Variants in COL4A1 observed in about 807,000 individuals in gnomAD.
COL4A1 encodes collagen alpha-1(IV) chain.
COL4A1 carries 40 observed loss-of-function variants against 216.6 expected under a neutral mutation model. The observed-to-expected ratio is 0.18, with a 90% confidence interval of 0.14 to 0.24. The LOEUF is 0.24. Among genes scored for constraint, COL4A1 ranks in the 10% least tolerant of loss-of-function variants. The probability of loss-of-function intolerance (pLI) is 1.00; values close to 1 mark genes in which losing one functional copy is unlikely to be tolerated. For missense variants in COL4A1, 1,628 were observed against 2,196.8 expected (o/e 0.74, Z 5.18); for synonymous variants, 839 against 810.7 (o/e 1.03, Z -0.59).
intron 1 of COL4A1, among the ~76,000 whole-genome samples, chr13:110,296,479 A>G (rs1052625165): frequency 2.8e-4 from 42 of 152,240 alleles, no homozygotes; most frequent in African/African-American, 9.9e-4. Context: ...CACGAAATCA[A>G]TAGTAAAAGC....
At chr13:110,306,031 T>G (rs544947094) in intron 1 of COL4A1, 1 of 152,074 alleles carries the variant, frequency 6.6e-6, no homozygotes, top group Non-Finnish European at 1.5e-5. Context: ...TGGGACTGCA[T>G]GGCTGTGACA....
intron 2 of COL4A1, among the ~76,000 whole-genome samples, chr13:110,234,772 T>A (rs949207595): frequency 6.6e-6 from 1 of 152,112 alleles, no homozygotes; most frequent in Non-Finnish European, 1.5e-5. Context: ...TGGAACCTCT[T>A]CCCGTTTCCA....
intron 1 of COL4A1, among the ~76,000 whole-genome samples, chr13:110,253,213 T>C (rs893494134): frequency 3.5e-5 from 5 of 142,886 alleles, no homozygotes; most frequent in African/African-American, 1.0e-4. Context: ...ACTATATGTA[T>C]GTATGTATTA....
intron 28 of COL4A1, 99 bp from the exon 29 acceptor site, chr13:110,181,488 G>A (rs752649996): frequency 6.5e-5 from 79 of 1,222,822 alleles, no homozygotes; most frequent in Middle Eastern, 2.2e-4. Flanking sequence ...CAGAGATGCC[G>A]ACCTGATCTG....
In COL4A1 at chr13:110,178,122, C is replaced by A; in HGVS notation, c.2568G>T (p.Gln856His). The A allele has an allele frequency of 1.2e-6, 2 of 1,614,214 alleles. No homozygotes were observed. The highest frequency in any genetic ancestry group is 1.7e-6 in the Non-Finnish European group (2 of 1,180,032). ...GTCCAGGAAGGCCAGGGAGCCCCGA[C>A]TGTCCCGTTATGCCAGGGAGTCCTT... ...GAQGLPGITG[Q>H]SGLPGLPGQQ... The change falls in exon 32 of 52, where the codon CAG becomes CAT. Residue 856 changes from glutamine to histidine, a missense_variant. Gln to His is a conservative substitution (Grantham distance 24). This residue lies in a region of COL4A1 where 701 missense variants were observed against 892.5 expected (regional missense o/e 0.79). Coordinates refer to ENST00000375820, the MANE Select transcript of COL4A1 (RefSeq NM_001845.6).
At chr13:110,201,583 A>T (rs1464130015) in intron 18 of COL4A1, 61 bp from the exon 19 acceptor site, 69 of 1,345,680 alleles carry the variant, frequency 5.1e-5, no homozygotes, top group Non-Finnish European at 7.3e-5. Context: ...CCTGTATAGT[A>T]AAGCAGTATG....
chr13:110,170,117 G>GGAAGGAAGGAAGGAAGGAAGGAAA (rs1877557282), intron 42 of COL4A1, among the ~76,000 whole-genome samples: 1 of 24,808 alleles, frequency 4.0e-5, no homozygotes. Flanking sequence ...GAGGAAAGAA[G>GGAAGGAAGGAAGGAAGGAAGGAAA]GAAGGAAGGA....
At chr13:110,236,801 C>T (rs1417153530) in intron 2 of COL4A1, among the ~76,000 whole-genome samples, 1 of 152,220 alleles carries the variant, frequency 6.6e-6, no homozygotes, top group Admixed American at 6.5e-5. Context: ...AAAATGCCTT[C>T]CCCTTAGAGA....
chr13:110,206,620 G>T, intron 15 of COL4A1, 45 bp downstream of exon 15: 1 of 1,600,364 alleles, frequency 6.2e-7, no homozygotes, highest in Non-Finnish European at 8.6e-7. Flanking sequence ...TTTCCGCATG[G>T]AAGGAGAATT....
chr13:110,149,631 A>T lies in COL4A1; in HGVS notation c.*732T>A, dbSNP rs530176460. ...AAGGACAGCACAGTCTTTCAAAGGA[A>T]GAAAACTATGTAAGCTTTATTTTAA... On this transcript the variant is annotated 3_prime_UTR_variant, in exon 52 of 52. Transcript: ENST00000375820. The T allele has an allele frequency of 6.5e-6, 1 of 152,730 alleles. No homozygotes were observed. The highest frequency in any genetic ancestry group is 2.1e-4 in the South Asian group (1 of 4,832). 9.5% of individuals were successfully genotyped at this position (152,730 alleles called of 1,614,324 possible). A position where few individuals can be genotyped will look rare whatever the true frequency, so the allele number is the denominator to read the frequency against.
chr13:110,171,507 AC>A (rs1877642176), intron 41 of COL4A1, among the ~76,000 whole-genome samples: 1 of 152,244 alleles, frequency 6.6e-6, no homozygotes, highest in South Asian at 2.1e-4. Flanking sequence ...TTAAAAAGTA[AC>A]AGCTTGTAGG....
chr13:110,205,263 A>G (rs1236978267), intron 17 of COL4A1, 90 bp downstream of exon 17: 3 of 1,493,486 alleles, frequency 2.0e-6, no homozygotes, highest in Non-Finnish European at 2.8e-6. Flanking sequence ...TCCCTTGAGT[A>G]CAGAGTCCTT....
At chr13:110,240,815 G>A (rs1881532330) in intron 2 of COL4A1, among the ~76,000 whole-genome samples, 1 of 152,162 alleles carries the variant, frequency 6.6e-6, no homozygotes. Flanking sequence ...TTTGATGAGT[G>A]GATTTTTGGG....
In COL4A1 at chr13:110,211,846, T is replaced by C. The variant is rs750237105; in HGVS notation, c.441+23A>G. 1 of 1,613,644 alleles carries C rather than the reference T, an allele frequency of 6.2e-7. No homozygotes were observed. The highest frequency in any genetic ancestry group is 1.1e-5 in the South Asian group (1 of 91,058). On this transcript the variant is annotated intron_variant, in intron 7 of 51. Coordinates refer to ENST00000375820, the MANE Select transcript of COL4A1 (RefSeq NM_001845.6). This position sits in a 1 kb window ranked among gnomAD's most constrained non-coding sequence, Gnocchi z 4.3. ...AGTCATAACTAAAAGAAAGAAGTTC[T>C]GCCCTAAATAACCTCTACTCACGGG...
chr13:110,176,430 A>G lies in COL4A1; in HGVS notation c.3052T>C (p.Leu1018=), dbSNP rs749958690. 4 of 1,611,566 alleles carry G rather than the reference A, an allele frequency of 2.5e-6. No individual in the cohort carries two copies. Among genetic ancestry groups the G allele is most frequent in the African/African-American group, 2.7e-5 (2 of 74,896 alleles). The change falls in exon 36 of 52, where the codon TTG becomes CTG. Residue 1018 remains leucine, a synonymous_variant. Coordinates refer to ENST00000375820, the MANE Select transcript of COL4A1 (RefSeq NM_001845.6). ...GPKGSVGGMG[L]PGTPGEKGVP... ...TCTTCTAAATCCAGTTTACCTGGCA[A>G]GCCCATTCCACCAACAGATCCTTTT...
In COL4A1 at chr13:110,155,319, C is replaced by T; in HGVS notation, c.4719G>A (p.Gly1573=). Residue 1573 remains glycine (G), a synonymous_variant, in exon 50 of 52, where the codon GGG becomes GGA. Coordinates refer to ENST00000375820, the MANE Select transcript of COL4A1 (RefSeq NM_001845.6). ...QTIQIPPCPS[G]WSSLWIGYSF... is the part of the protein sequence containing the mutation. ...AGTAGCCGATCCACAGCGAGGACCACCCGCTGGGGCACGGTGGGATCTGAA... is the reference window on the plus strand; with the variant it reads ...AGTAGCCGATCCACAGCGAGGACCATCCGCTGGGGCACGGTGGGATCTGAA... 2 of 1,614,208 alleles carry T rather than the reference C, an allele frequency of 1.2e-6. No homozygotes were observed. Among genetic ancestry groups the T allele is most frequent in the Non-Finnish European group, 1.7e-6 (2 of 1,180,028 alleles).
rs1032193782 is a variant in COL4A1, at chr13:110,307,150, G to C, written c.-123C>G. 8 of 747,724 alleles carry C rather than the reference G, an allele frequency of 1.1e-5. No individual in the cohort carries two copies. The highest frequency in any genetic ancestry group is 9.3e-5 in the African/African-American group (5 of 53,602). The allele number at this position is 747,724 out of a possible 1,614,324, so 46.3% of individuals were successfully genotyped here. A position where few individuals can be genotyped will look rare whatever the true frequency, so the allele number is the denominator to read the frequency against. On this transcript the variant is annotated 5_prime_UTR_variant, in exon 1 of 52. Transcript: ENST00000375820. The surrounding 1 kb of genome is among the most constrained non-coding windows in gnomAD (Gnocchi z 5.0). ...CGTCCCGGGTGCGGCGGCTCCAAGC[G>C]GAGACCTGAGCGCGGCGGGCCGAGC...
chr13:110,169,433 A>G (rs990177320), intron 43 of COL4A1, among the ~76,000 whole-genome samples, 196 bp downstream of exon 43: 2 of 147,796 alleles, frequency 1.4e-5, no homozygotes, highest in East Asian at 2.0e-4. Context: ...TCTGATGCCA[A>G]TAAAGATGTG....
chr13:110,250,538 G>A (rs1470813850), intron 1 of COL4A1, among the ~76,000 whole-genome samples: 1 of 152,090 alleles, frequency 6.6e-6, no homozygotes, highest in Non-Finnish European at 1.5e-5. Context: ...GTTCCTGCTT[G>A]GGGAATAGGA....
Sources: allele counts gnomAD v4.1 joint callset (sites outside exome capture counted in the v4.1 genomes callset), GRCh38; gene constraint gnomAD v4.1.1; regional missense constraint gnomAD v4.1.1; non-coding constraint Gnocchi (gnomAD v3.1); transcripts MANE v1.5; gene names NCBI Gene and HGNC (gene_info 2026-07-23, HGNC 2026-07-21).